The following IREB2 variants were observed in gnomAD, a reference collection of about 807,000 sequenced individuals.
IREB2 encodes iron responsive element binding protein 2.
A neutral mutation model predicts 118.8 loss-of-function variants in IREB2; 39 were observed. That is an observed-to-expected ratio of 0.33 (90% CI 0.25 to 0.43). The LOEUF (loss-of-function observed/expected upper bound fraction) is 0.43, where lower values mean the gene tolerates loss of function less well. IREB2 is among the 20% of genes least tolerant of loss of function. The probability of loss-of-function intolerance (pLI) is 1.00; values close to 1 mark genes in which losing one functional copy is unlikely to be tolerated. For missense variants in IREB2, 900 were observed against 1,147.3 expected, an observed-to-expected ratio of 0.78 and a Z score of 3.11; for synonymous variants, 372 against 392.2, an observed-to-expected ratio of 0.95 and a Z score of 0.61.
chr15:78,441,138 T>C (rs2050838086), intron 2 of IREB2, among the ~76,000 whole-genome samples: 1 of 152,266 alleles, frequency 6.6e-6, no homozygotes, highest in African/African-American at 2.4e-5. Context: ...TTAAATATTC[T>C]TGACTGCTAT....
chr15:78,438,736 G>T, intron 1 of IREB2: 1 of 323,318 alleles, frequency 3.1e-6, no homozygotes, highest in East Asian at 6.9e-5. Context: ...GAAGGCGGGG[G>T]CCTGCGTCTC....
At chr15:78,459,538 C>T (rs1260888113) in intron 2 of IREB2, among the ~76,000 whole-genome samples, 1 of 151,930 alleles carries the variant, frequency 6.6e-6, no homozygotes, top group Non-Finnish European at 1.5e-5. Context: ...TTAGTAGAGA[C>T]GGGGTTTCGC....
At chr15:78,437,490 G>C (rs1268332834), upstream of IREB2, 1 of 152,604 alleles carries the variant, frequency 6.6e-6, no homozygotes, top group Non-Finnish European at 1.5e-5. Flanking sequence ...GTTATAGCTG[G>C]CCTTGGCTAA....
chr15:78,473,176 C>G, intron 7 of IREB2, 66 bp from the exon 8 acceptor site: 1 of 1,428,218 alleles, frequency 7.0e-7, no homozygotes, highest in Non-Finnish European at 9.8e-7. Flanking sequence ...CCTAGAGATT[C>G]AGATGTTACA....
chr15:78,439,861 C>T lies in IREB2; in HGVS notation c.86C>T (p.Ser29Phe), dbSNP rs1325589730. 3.8e-6 allele frequency: 6 copies of T among 1,599,514 alleles called. No individual in the cohort carries two copies. Among genetic ancestry groups the T allele is most frequent in the Admixed American group, 1.7e-5 (1 of 59,292 alleles). Residue 29 changes from serine to phenylalanine, a missense_variant, in exon 2 of 22, where the codon TCT becomes TTT. Physicochemically the swap from Ser to Phe is radical, Grantham distance 155. Coordinates refer to ENST00000258886, the MANE Select transcript of IREB2 (RefSeq NM_004136.4). ...TCACATAAGAAGTTCTTCGATGTAT[C>T]TAAACTTGGCACCAAGTATGGTAAT... is the stretch of plus-strand genomic sequence containing the variant. ...DSSHKKFFDVSKLGTKYDVLP... is the reference protein window; with the variant it reads ...DSSHKKFFDVFKLGTKYDVLP...
chr15:78,452,078 G>A lies in IREB2; in HGVS notation c.107-10844G>A, dbSNP rs751373020. 4.6e-4 allele frequency among the ~76,000 whole-genome samples: 70 copies of A among 152,186 alleles called. 1 individual carries two copies. Among genetic ancestry groups the A allele is most frequent in the South Asian group, 6.2e-4 (3 of 4,832 alleles). The stretch of plus-strand genomic sequence containing the variant: ...CCACATTTCGAAAATCACAGTATAG[G>A]GTTGGGGGACCACCTAGGGAACCTA... On this transcript the variant is annotated intron_variant, in intron 2 of 21. Coordinates refer to ENST00000258886, the MANE Select transcript of IREB2 (RefSeq NM_004136.4).
At position 78,473,330 on chromosome 15, in the gene IREB2, G is replaced by A; in HGVS notation, c.972G>A (p.Gly324=). Reference sequence around the variant, plus strand: ...AGGTGGTTGGATGTGAGTTAACTGGGTCATCAAACCCTTTTGTTACATCCA... The same window carrying A: ...AGGTGGTTGGATGTGAGTTAACTGGATCATCAAACCCTTTTGTTACATCCA... ...LPEVVGCELT[G]SSNPFVTSID... Residue 324 remains glycine, a synonymous_variant, in exon 8 of 22, where the codon GGG becomes GGA. Coordinates refer to ENST00000258886, the MANE Select transcript of IREB2 (RefSeq NM_004136.4). 1 of 1,613,736 alleles carries A rather than the reference G, an allele frequency of 6.2e-7. No individual in the cohort carries two copies. Among genetic ancestry groups the A allele is most frequent in the Non-Finnish European group, 8.5e-7 (1 of 1,179,718 alleles).
At position 78,488,199 on chromosome 15, in the gene IREB2, G is replaced by T; in HGVS notation, c.1814G>T (p.Gly605Val). 1.2e-6 allele frequency: 2 copies of T among 1,606,072 alleles called. No individual in the cohort carries two copies. Among genetic ancestry groups the T allele is most frequent in the Non-Finnish European group, 1.7e-6 (2 of 1,177,548 alleles). Residue 605 changes from glycine (G) to valine (V), a missense_variant, in exon 15 of 22, where the codon GGA becomes GTA. Physicochemically the swap from Gly to Val is moderately radical, Grantham distance 109. Transcript: ENST00000258886. ...TTTCAGGGTGATTTGGTTACCTGTG[G>T]AATTTTATCTGGAAACAAAAATTTT... ...AVKQGDLVTC[G>V]ILSGNKNFEG...
chr15:78,459,562 C>CTGGT (rs1381963328), intron 2 of IREB2, among the ~76,000 whole-genome samples: 1 of 152,096 alleles, frequency 6.6e-6, no homozygotes, highest in Non-Finnish European at 1.5e-5. Flanking sequence ...GTTGGTCAGG[C>CTGGT]TGGTCTGTAA....
intron 16 of IREB2, among the ~76,000 whole-genome samples, chr15:78,489,333 C>A (rs568423324): frequency 6.6e-6 from 1 of 151,914 alleles, no homozygotes; most frequent in African/African-American, 2.4e-5. Context: ...ATGTAACAAA[C>A]CTGCACATCC....
In IREB2 at chr15:78,499,593, C is replaced by G. The variant is rs909470986; in HGVS notation, c.*1450C>G. 1 of 152,090 alleles carries G rather than the reference C, an allele frequency of 6.6e-6. No individual in the cohort carries two copies. Among genetic ancestry groups the G allele is most frequent in the African/African-American group, 2.4e-5 (1 of 41,416 alleles). 9.4% of individuals were successfully genotyped at this position (152,090 alleles called of 1,614,324 possible). On this transcript the variant is annotated 3_prime_UTR_variant, in exon 22 of 22. Coordinates refer to ENST00000258886, the MANE Select transcript of IREB2 (RefSeq NM_004136.4). ...CATACAATCTTTTGAAAATATTTTGCAAATATGTGTTTAGACAATAAGATG... is the reference window on the plus strand; with the variant it reads ...CATACAATCTTTTGAAAATATTTTGGAAATATGTGTTTAGACAATAAGATG...
At chr15:78,443,521 C>G (rs1296239256) in intron 2 of IREB2, among the ~76,000 whole-genome samples, 1 of 152,138 alleles carries the variant, frequency 6.6e-6, no homozygotes, top group Admixed American at 6.5e-5. Context: ...AATTTATACT[C>G]AGGGTATCTC....
intron 2 of IREB2, among the ~76,000 whole-genome samples, chr15:78,453,923 G>A (rs983176583): frequency 3.3e-5 from 5 of 152,162 alleles, no homozygotes; most frequent in East Asian, 1.9e-4. Flanking sequence ...GTTTCTCTGC[G>A]TTGATGTTTT....
In IREB2 at chr15:78,498,222, A is replaced by G; in HGVS notation, c.*79A>G. 1 of 745,966 alleles carries G rather than the reference A, an allele frequency of 1.3e-6. No individual in the cohort carries two copies. The highest frequency in any genetic ancestry group is 2.4e-6 in the Non-Finnish European group (1 of 415,976). 46.2% of individuals were successfully genotyped at this position (745,966 alleles called of 1,614,324 possible). A position where few individuals can be genotyped will look rare whatever the true frequency, so the allele number is the denominator to read the frequency against. On this transcript the variant is annotated 3_prime_UTR_variant, in exon 22 of 22. Transcript: ENST00000258886. ...CTGGACCCAGGAATCCTTACCATGG[A>G]GCAGCAGATAGTCCCAGTATACTCA...
chr15:78,494,651 G>C (rs2051809391), intron 20 of IREB2, among the ~76,000 whole-genome samples: 1 of 152,116 alleles, frequency 6.6e-6, no homozygotes, highest in East Asian at 1.9e-4. Context: ...ACTGCTTGCT[G>C]CAGCCATGAC....
At chr15:78,471,258 C>G (rs915602162) in intron 6 of IREB2, among the ~76,000 whole-genome samples, 1 of 152,226 alleles carries the variant, frequency 6.6e-6, no homozygotes, top group African/African-American at 2.4e-5. Context: ...ATCTGCCTGC[C>G]TTGGCCTCCC....
chr15:78,439,800 G>T lies in IREB2; in HGVS notation c.25G>T (p.Ala9Ser). 6.4e-7 allele frequency: 1 copy of T among 1,568,586 alleles called. No homozygotes were observed. Among genetic ancestry groups the T allele is most frequent in the South Asian group, 1.2e-5 (1 of 84,264 alleles). ...AAATACAATTTTTTTTTCAGGATAC[G>T]CCTTTGAGTACCTTATTGAAACATT... is the stretch of plus-strand genomic sequence containing the variant. The part of the protein sequence containing the change: MDAPKAGY[A>S]FEYLIETLND... The change falls in exon 2 of 22, where the codon GCC (alanine) becomes TCC (serine). Residue 9 changes from alanine to serine, a missense_variant. Transcript: ENST00000258886.
chr15:78,470,804 C>T (rs12903226), intron 6 of IREB2: 3 of 338,700 alleles, frequency 8.9e-6, no homozygotes, highest in South Asian at 1.5e-4. Context: ...AAGCAGTTCT[C>T]CTGCCTCAGC....
intron 7 of IREB2, 147 bp from the exon 8 acceptor site, chr15:78,473,095 G>A: frequency 3.0e-6 from 2 of 673,276 alleles, no homozygotes; most frequent in South Asian, 4.5e-5. Context: ...GGGAAGCCTT[G>A]GGTTCAGTGT....
Sources: gnomAD v4.1 joint callset for allele counts (sites outside exome capture counted in the v4.1 genomes callset) on GRCh38, gnomAD v4.1.1 for gene constraint, MANE v1.5 for transcripts, NCBI Gene and HGNC (gene_info 2026-07-23, HGNC 2026-07-21) for gene names.